Variants in CKAP5 observed in about 807,000 individuals in gnomAD.
CKAP5 encodes the protein cytoskeleton associated protein 5.
CKAP5 carries 27 observed loss-of-function variants against 232.8 expected under a neutral mutation model. The ratio of observed to expected loss-of-function variants is 0.12; its 90% CI spans 0.09 to 0.16. The LOEUF is 0.16. CKAP5 is among the 10% of genes least tolerant of loss of function. The pLI is 1.00. For synonymous variants in CKAP5, 785 were observed against 841.1 expected, an observed-to-expected ratio of 0.93 and a Z score of 1.16; for missense variants, 1,838 against 2,424.7, an observed-to-expected ratio of 0.76 and a Z score of 5.08.
At chr11:46,841,664 T>G (rs1217355444) in intron 1 of CKAP5, among the ~76,000 whole-genome samples, 1 of 151,846 alleles carries the variant, frequency 6.6e-6, no homozygotes, top group African/African-American at 2.4e-5. Context: ...TGCCTGGGAG[T>G]TGGTTCACAG....
intron 1 of CKAP5, among the ~76,000 whole-genome samples, chr11:46,845,268 G>A (rs1376589295): frequency 6.6e-6 from 1 of 152,042 alleles, no homozygotes; most frequent in African/African-American, 2.4e-5. Context: ...AGCATTTCTG[G>A]GCCAAGATTT....
intron 1 of CKAP5, among the ~76,000 whole-genome samples, chr11:46,843,474 T>C (rs763488535): frequency 6.6e-6 from 1 of 151,998 alleles, no homozygotes; most frequent in Non-Finnish European, 1.5e-5. Context: ...TTCACGCCTG[T>C]AATCCCAGCA....
rs778637586 is a variant in CKAP5, at chr11:46,750,335, T to C, written c.5643A>G (p.Glu1881=). The C allele has an allele frequency of 5.6e-6, 9 of 1,614,080 alleles. No individual in the cohort carries two copies. Among genetic ancestry groups the C allele is most frequent in the Non-Finnish European group, 7.6e-6 (9 of 1,180,038 alleles). Residue 1881 remains glutamate (E), a synonymous_variant, in exon 42 of 44, where the codon GAA becomes GAG. Coordinates refer to ENST00000529230, the MANE Select transcript of CKAP5 (RefSeq NM_001008938.4). The part of the protein sequence containing the change: ...NSSQFFQSYV[E]RGLRVIEMER... ...CCATCTCAATCACCCGAAGGCCTCT[T>C]TCGACATAGCTCTGGAAGAACTGTG... is the stretch of plus-strand genomic sequence containing the variant.
chr11:46,799,599 G>A (rs182451206), intron 9 of CKAP5, among the ~76,000 whole-genome samples: 1 of 152,322 alleles, frequency 6.6e-6, no homozygotes, highest in East Asian at 1.9e-4. Flanking sequence ...CCAAACTACA[G>A]AGCAATAGAG....
At chr11:46,783,401 A>G in intron 17 of CKAP5, 33 bp from the exon 18 acceptor site, 1 of 1,309,182 alleles carries the variant, frequency 7.6e-7, no homozygotes, top group Non-Finnish European at 1.1e-6. Flanking sequence ...TCTGTGTTTT[A>G]TCTCGTATTT....
At chr11:46,795,881 T>C in intron 12 of CKAP5, 105 bp from the exon 13 acceptor site, 1 of 1,020,496 alleles carries the variant, frequency 9.8e-7, no homozygotes, top group Non-Finnish European at 1.5e-6. Flanking sequence ...TTCAGAGAAA[T>C]GGCCAGGCAA....
chr11:46,746,895 G>A lies in CKAP5; in HGVS notation c.5705-2318C>T, dbSNP rs71455299. On this transcript the variant is annotated intron_variant, in intron 42 of 43. Transcript: ENST00000529230. Reference sequence around the variant, plus strand: ...TAATCCTAGGTCTTTGGGAGGCTGAGGTGGGGGGATCACTTGAGACCAGGA... The same window carrying A: ...TAATCCTAGGTCTTTGGGAGGCTGAAGTGGGGGGATCACTTGAGACCAGGA... Among the ~76,000 whole-genome samples, 44 of 152,352 alleles carry A rather than the reference G, an allele frequency of 2.9e-4. No homozygotes were observed. The South Asian group carries it at 5.6e-3, about 19-fold the overall frequency.
At chr11:46,795,556 C>A in intron 13 of CKAP5, 38 bp downstream of exon 13, 2 of 1,555,538 alleles carry the variant, frequency 1.3e-6, no homozygotes, top group Admixed American at 1.9e-5. Flanking sequence ...GACTCAGACC[C>A]TTCCTTACTA....
chr11:46,821,063 T>A (rs1230876924), intron 2 of CKAP5, 112 bp downstream of exon 2: 2 of 623,046 alleles, frequency 3.2e-6, no homozygotes, highest in Non-Finnish European at 5.4e-6. Flanking sequence ...TAACAAGGCA[T>A]CAGTATTTTT....
intron 24 of CKAP5, among the ~76,000 whole-genome samples, chr11:46,775,187 A>G (rs1317517984): frequency 6.6e-6 from 1 of 152,266 alleles, no homozygotes; most frequent in African/African-American, 2.4e-5. Flanking sequence ...GGATATGAAC[A>G]GAAACTTTTC....
intron 1 of CKAP5, among the ~76,000 whole-genome samples, chr11:46,845,050 A>G (rs953055234): frequency 2.0e-5 from 3 of 152,242 alleles, no homozygotes; most frequent in Admixed American, 6.5e-5. Flanking sequence ...TATATCATTA[A>G]ATTTGGTAAA....
intron 15 of CKAP5, among the ~76,000 whole-genome samples, chr11:46,789,791 G>T (rs777790848): frequency 1.3e-5 from 2 of 151,886 alleles, no homozygotes; most frequent in Admixed American, 6.6e-5. Context: ...GCAAGATTCC[G>T]TCTCAAAAAA....
Position 46,752,670 on chromosome 11 carries a change from C to T in CKAP5, c.5098G>A (p.Ala1700Thr). The change falls in exon 38 of 44, where the codon GCC becomes ACC. Residue 1700 changes from alanine to threonine, a missense_variant. Ala to Thr is a moderately conservative substitution (Grantham distance 58, BLOSUM62 0). Transcript: ENST00000529230. ...VLLQDSLLAT[A>T]SSPKFSELVM... ...AGCTCTGAGAATTTGGGAGAACTGG[C>T]TGTTGCTAGCAGGCTGTCTTGGAGC... The T allele has an allele frequency of 6.2e-7, 1 of 1,613,128 alleles. No individual in the cohort carries two copies. The highest frequency in any genetic ancestry group is 8.5e-7 in the Non-Finnish European group (1 of 1,179,422).
In CKAP5 at chr11:46,743,074, C is replaced by T. The variant is rs2064996442; in HGVS notation, c.*949G>A. 6.6e-6 allele frequency: 1 copy of T among 152,178 alleles called. No homozygotes were observed. Among genetic ancestry groups the T allele is most frequent in the East Asian group, 1.9e-4 (1 of 5,190 alleles). 9.4% of individuals were successfully genotyped at this position (152,178 alleles called of 1,614,324 possible). On this transcript the variant is annotated 3_prime_UTR_variant, in exon 44 of 44. Coordinates refer to ENST00000529230, the MANE Select transcript of CKAP5 (RefSeq NM_001008938.4). ...CTTACTCTGACTGAATGTGAAGCAA[C>T]TGTTAGCCTGGACCAAAAGAGACTC...
Position 46,751,123 on chromosome 11 carries a change from G to C in CKAP5, c.5455C>G (p.Arg1819Gly), listed in dbSNP as rs773861293. ...SDKETEKGAS[R>G]IDEKSSKAKV... ...TTTCAAGTCAGGCCACTCACTATTC[G>C]AGATGCTCCCTTTTCTGTTTCCTTA... is the stretch of plus-strand genomic sequence containing the variant. The change falls in exon 40 of 44, where the codon CGA (arginine) becomes GGA (glycine). Residue 1819 changes from arginine (R) to glycine (G), a missense_variant. Coordinates refer to ENST00000529230, the MANE Select transcript of CKAP5 (RefSeq NM_001008938.4). 6.2e-7 allele frequency: 1 copy of C among 1,614,048 alleles called. No homozygotes were observed. The highest frequency in any genetic ancestry group is 1.7e-5 in the Admixed American group (1 of 60,006).
chr11:46,806,985 T>C (rs1321414139), intron 8 of CKAP5, among the ~76,000 whole-genome samples: 1 of 152,236 alleles, frequency 6.6e-6, no homozygotes, highest in Non-Finnish European at 1.5e-5. Context: ...TTGTTTAAAA[T>C]GGCCCCTAAG....
chr11:46,761,537 C>T (rs1844108560), intron 32 of CKAP5, among the ~76,000 whole-genome samples: 1 of 152,152 alleles, frequency 6.6e-6, no homozygotes, highest in Non-Finnish European at 1.5e-5. Flanking sequence ...GAGGTCCAGA[C>T]TCACTCAAAC....
chr11:46,768,380 T>G (rs1450479126), intron 26 of CKAP5, among the ~76,000 whole-genome samples: 1 of 151,426 alleles, frequency 6.6e-6, no homozygotes, highest in Non-Finnish European at 1.5e-5. Context: ...TTTTTTTTTT[T>G]TTAGAGACAG....
At chr11:46,830,112 T>C (rs181480837) in intron 1 of CKAP5, among the ~76,000 whole-genome samples, 2 of 151,766 alleles carry the variant, frequency 1.3e-5, no homozygotes, top group East Asian at 3.9e-4. Flanking sequence ...TTTGACCCAA[T>C]GGAGAAAGTG....
Sources: gnomAD v4.1 joint callset for allele counts (sites outside exome capture counted in the v4.1 genomes callset) on GRCh38, gnomAD v4.1.1 for gene constraint, MANE v1.5 for transcripts, NCBI Gene and HGNC (gene_info 2026-07-23, HGNC 2026-07-21) for gene names.